EMSY: variants seen among roughly 807,000 people sequenced by gnomAD.
EMSY encodes BRCA2-interacting transcriptional repressor EMSY.
EMSY carries 26 observed loss-of-function variants against 134.6 expected under a neutral mutation model. The observed-to-expected ratio is 0.19, with a 90% CI of 0.14 to 0.27. The LOEUF (loss-of-function observed/expected upper bound fraction) is 0.27, where lower values mean the gene tolerates loss of function less well. Among genes scored for constraint, EMSY ranks in the 10% least tolerant of loss-of-function variants. The probability of loss-of-function intolerance (pLI) is 1.00; values close to 1 mark genes in which losing one functional copy is unlikely to be tolerated. For missense variants in EMSY, 1,305 were observed against 1,611.4 expected, an observed-to-expected ratio of 0.81 and a Z score of 3.26; for synonymous variants, 579 against 577.8, an observed-to-expected ratio of 1.00 and a Z score of -0.03.
At chr11:76,527,081 C>A (rs1950870560) in intron 13 of EMSY, among the ~76,000 whole-genome samples, 2 of 151,970 alleles carry the variant, frequency 1.3e-5, no homozygotes, top group African/African-American at 4.8e-5. Context: ...TATTTTTTAA[C>A]CAATAGAAGA....
At chr11:76,552,950 C>T (rs999109828), downstream of EMSY, 2 of 152,072 alleles carry the variant, frequency 1.3e-5, no homozygotes, top group Non-Finnish European at 2.9e-5. Flanking sequence ...AAGGTTCATC[C>T]GTGTTGTAGA....
intron 4 of EMSY, 64 bp from the exon 6 acceptor site, chr11:76,458,119 A>C: frequency 6.9e-7 from 1 of 1,450,730 alleles, no homozygotes. Context: ...ATGTTTGAGC[A>C]TATATGTTTG....
chr11:76,519,949 T>C (rs529831482), intron 11 of EMSY, among the ~76,000 whole-genome samples: 1 of 152,272 alleles, frequency 6.6e-6, no homozygotes, highest in East Asian at 1.9e-4. Context: ...CAGAGGAATA[T>C]ATACATGAGT....
chr11:76,496,607 C>CAT, intron 9 of EMSY, 138 bp downstream of exon 10: 1 of 938,244 alleles, frequency 1.1e-6, no homozygotes, highest in Non-Finnish European at 1.7e-6. Flanking sequence ...CAGCTTTCAG[C>CAT]ATATAGATTC....
chr11:76,523,521 T>C (rs1950722166), intron 12 of EMSY, among the ~76,000 whole-genome samples: 1 of 152,182 alleles, frequency 6.6e-6, no homozygotes. Context: ...GTGACCATGA[T>C]TTAGATGCTT....
intron 9 of EMSY, among the ~76,000 whole-genome samples, chr11:76,513,141 C>T (rs1177075073): frequency 6.6e-6 from 1 of 151,986 alleles, no homozygotes; most frequent in Non-Finnish European, 1.5e-5. Context: ...CAATCATAGA[C>T]AAAAGATTTG....
intron 15 of EMSY, 36 bp from the exon 17 acceptor site, chr11:76,537,759 A>C: frequency 5.2e-6 from 8 of 1,552,074 alleles, no homozygotes; most frequent in Non-Finnish European, 7.0e-6. Flanking sequence ...CTTGTTTGTA[A>C]TAAAAGTTAA....
intron 8 of EMSY, among the ~76,000 whole-genome samples, chr11:76,494,738 T>C (rs1052209332): frequency 2.9e-5 from 4 of 139,404 alleles, no homozygotes; most frequent in African/African-American, 7.9e-5. Flanking sequence ...TTCCTTCCTT[T>C]CCTTCCTTCC....
intron 8 of EMSY, among the ~76,000 whole-genome samples, chr11:76,491,668 C>T (rs1041962154): frequency 7.2e-5 from 11 of 152,224 alleles, no homozygotes; most frequent in East Asian, 1.9e-4. Flanking sequence ...TGAGATCCTG[C>T]GCTAGGTAGC....
At chr11:76,504,134 A>G (rs546006937) in intron 9 of EMSY, among the ~76,000 whole-genome samples, 2 of 152,184 alleles carry the variant, frequency 1.3e-5, no homozygotes, top group South Asian at 4.1e-4. Context: ...AAGACAATTC[A>G]GAGAATGGGA....
At chr11:76,456,671 G>A (rs1032801939) in intron 4 of EMSY, among the ~76,000 whole-genome samples, 1 of 152,144 alleles carries the variant, frequency 6.6e-6, no homozygotes, top group African/African-American at 2.4e-5. Context: ...GAGTGTTACT[G>A]AAGTTTTAGG....
At chr11:76,463,998 A>G in exon 7 of EMSY, 2 of 1,614,040 alleles carry the variant, frequency 1.2e-6, no homozygotes, top group African/African-American at 1.3e-5. Context: ...AGCATTGCCA[A>G]CTCCTTACCA....
intron 4 of EMSY, among the ~76,000 whole-genome samples, chr11:76,457,418 G>A (rs1482661974): frequency 6.6e-6 from 1 of 152,162 alleles, no homozygotes; most frequent in Non-Finnish European, 1.5e-5. Flanking sequence ...ACCTCTGGTT[G>A]GATTCTTGGA....
intron 7 of EMSY, among the ~76,000 whole-genome samples, chr11:76,465,298 A>G (rs910623974): frequency 3.3e-5 from 5 of 152,042 alleles, no homozygotes; most frequent in Admixed American, 6.6e-5. Context: ...TTGGAATTGG[A>G]CTTCTTGGAT....
At chr11:76,511,517 G>C (rs1300080559) in intron 9 of EMSY, among the ~76,000 whole-genome samples, 1 of 151,988 alleles carries the variant, frequency 6.6e-6, no homozygotes, top group East Asian at 1.9e-4. Flanking sequence ...GGCCAACATG[G>C]TGAAACCCTG....
exon 15 of EMSY, chr11:76,535,989 G>A: frequency 6.2e-7 from 1 of 1,604,554 alleles, no homozygotes; most frequent in African/African-American, 1.3e-5. Context: ...TAATTTATCA[G>A]GATGTATCCA....
At chr11:76,518,904 C>T (rs1211306880) in intron 11 of EMSY, among the ~76,000 whole-genome samples, 1 of 149,904 alleles carries the variant, frequency 6.7e-6, no homozygotes, top group African/African-American at 2.4e-5. Context: ...AATTCTATGA[C>T]GAACATTATT....
chr11:76,462,307 T>C (rs774368820), intron 6 of EMSY, among the ~76,000 whole-genome samples: 3 of 152,246 alleles, frequency 2.0e-5, no homozygotes, highest in Non-Finnish European at 4.4e-5. Context: ...AACTATTTCA[T>C]ATAATATGTA....
At chr11:76,544,202 T>G (rs1432563189) in intron 18 of EMSY, 57 bp from the exon 20 acceptor site, 1 of 1,474,374 alleles carries the variant, frequency 6.8e-7, no homozygotes, top group East Asian at 2.3e-5. Context: ...AAGAGGAAAA[T>G]GTAGCAATGT....
Sources: gnomAD v4.1 joint callset for allele counts (sites outside exome capture counted in the v4.1 genomes callset) on GRCh38, gnomAD v4.1.1 for gene constraint, MANE v1.5 for transcripts, NCBI Gene and HGNC (gene_info 2026-07-23, HGNC 2026-07-21) for gene names.